ASTN2: variants seen among roughly 807,000 people sequenced by gnomAD.
ASTN2 encodes the protein astrotactin-2.
A neutral mutation model predicts 139.8 loss-of-function variants in ASTN2; 54 were observed. That is an observed-to-expected ratio of 0.39 (90% CI 0.31 to 0.48). The LOEUF is 0.48. ASTN2 is among the 20% of genes least tolerant of loss of function. The probability of loss-of-function intolerance (pLI) is 0.95; values close to 1 mark genes in which losing one functional copy is unlikely to be tolerated. For synonymous variants in ASTN2, 756 were observed against 719.5 expected, an observed-to-expected ratio of 1.05 and a Z score of -0.81; for missense variants, 1,565 against 1,725.1, an observed-to-expected ratio of 0.91 and a Z score of 1.64.
intron 10 of ASTN2, among the ~76,000 whole-genome samples, chr9:116,887,415 G>C (rs1179955597): frequency 6.6e-6 from 1 of 151,762 alleles, no homozygotes; most frequent in East Asian, 2.0e-4. Flanking sequence ...CTTTTGGACA[G>C]AGGGAGAAAG....
intron 19 of ASTN2, among the ~76,000 whole-genome samples, chr9:116,500,890 G>A (rs148700646): frequency 4.7e-4 from 71 of 152,288 alleles, no homozygotes; most frequent in African/African-American, 1.7e-3. Flanking sequence ...TTTGTGTGGT[G>A]TAAGCAGAAA....
At chr9:116,567,073 A>G (rs970018880) in intron 19 of ASTN2, among the ~76,000 whole-genome samples, 4 of 152,236 alleles carry the variant, frequency 2.6e-5, no homozygotes, top group African/African-American at 9.6e-5. Context: ...GAGAGAGGTC[A>G]TGTGACTTGT....
chr9:117,414,906 G>T lies in ASTN2; in HGVS notation c.33C>A (p.Gly11=), dbSNP rs1400870985. The change falls in exon 1 of 23, where the codon GGC becomes GGA. Residue 11 remains glycine, a synonymous_variant. Coordinates refer to ENST00000313400, the MANE Select transcript of ASTN2 (RefSeq NM_001365068.1). The surrounding 1 kb of genome is among the most constrained non-coding windows in gnomAD (Gnocchi z 4.2). MAAAGARLSP[G]PGSGLRGRPR... ...GCCGCCCCCGGAGCCCCGAGCCGGG[G>T]CCGGGGCTGAGCCGGGCGCCGGCGG... is the stretch of plus-strand genomic sequence containing the variant. 6.1e-6 allele frequency: 4 copies of T among 655,998 alleles called. No individual in the cohort carries two copies. The highest frequency in any genetic ancestry group is 5.9e-5 in the African/African-American group (3 of 50,780). 40.6% of individuals were successfully genotyped at this position (655,998 alleles called of 1,614,324 possible).
At chr9:116,621,460 C>A (rs1019452305) in intron 17 of ASTN2, among the ~76,000 whole-genome samples, 2 of 152,024 alleles carry the variant, frequency 1.3e-5, no homozygotes, top group African/African-American at 4.8e-5. Flanking sequence ...CACACACACA[C>A]ACACATTCCA....
At chr9:116,875,940 C>G (rs1833284857) in intron 10 of ASTN2, among the ~76,000 whole-genome samples, 1 of 152,198 alleles carries the variant, frequency 6.6e-6, no homozygotes, top group African/African-American at 2.4e-5. Flanking sequence ...TTCATGCATT[C>G]TAACACAGCA....
At chr9:116,966,478 C>G (rs1424467619) in intron 10 of ASTN2, among the ~76,000 whole-genome samples, 1 of 152,112 alleles carries the variant, frequency 6.6e-6, no homozygotes, top group Admixed American at 6.5e-5. Context: ...TGGTGCTGAA[C>G]AATGTTTGAA....
intron 3 of ASTN2, among the ~76,000 whole-genome samples, chr9:117,203,347 A>G (rs1018209707): frequency 6.6e-6 from 1 of 152,036 alleles, no homozygotes; most frequent in Non-Finnish European, 1.5e-5. Flanking sequence ...CAATTCATCC[A>G]TTTGATCCTC....
At chr9:117,132,682 G>A (rs1829853980) in intron 4 of ASTN2, among the ~76,000 whole-genome samples, 1 of 152,182 alleles carries the variant, frequency 6.6e-6, no homozygotes, top group Admixed American at 6.5e-5. Flanking sequence ...GCTTTCTTAT[G>A]TCTCAGTACA....
intron 3 of ASTN2, among the ~76,000 whole-genome samples, chr9:117,163,798 T>C (rs1333787530): frequency 6.6e-6 from 1 of 152,066 alleles, no homozygotes; most frequent in Non-Finnish European, 1.5e-5. Context: ...TAAGTACTTT[T>C]GCTATATATT....
rs569439098 is a variant in ASTN2 at position 116,905,869 on chromosome 9, G to T, written c.1890-42136C>A. 4.7e-5 allele frequency among the ~76,000 whole-genome samples: 7 copies of T among 149,234 alleles called. No individual in the cohort carries two copies. The East Asian group carries it at 7.9e-4, about 17-fold the overall frequency. On this transcript the variant is annotated intron_variant, in intron 10 of 22. Transcript: ENST00000313400. ...TGATCCCTGTTTTTTTTTTTTTTGG[G>T]GGGGGGTGCGGGGGGTGTGCCGTTT...
chr9:117,263,166 G>A (rs1833864414), intron 2 of ASTN2, among the ~76,000 whole-genome samples: 1 of 152,122 alleles, frequency 6.6e-6, no homozygotes, highest in African/African-American at 2.4e-5. Context: ...AGATACTTTG[G>A]CTAAAAATAA....
intron 20 of ASTN2, 65 bp from the exon 21 acceptor site, chr9:116,442,618 G>T: frequency 7.6e-7 from 1 of 1,311,270 alleles, no homozygotes; most frequent in Non-Finnish European, 1.1e-6. Flanking sequence ...GGAGTTGCAG[G>T]GAAGAACAGA....
intron 19 of ASTN2, among the ~76,000 whole-genome samples, chr9:116,489,424 C>T (rs1849442599): frequency 6.6e-6 from 1 of 152,054 alleles, no homozygotes; most frequent in Non-Finnish European, 1.5e-5. Flanking sequence ...GAAGCCTCTG[C>T]CCCGCAGGCT....
At chr9:116,795,547 C>T (rs1446921708) in intron 13 of ASTN2, among the ~76,000 whole-genome samples, 1 of 152,204 alleles carries the variant, frequency 6.6e-6, no homozygotes, top group Non-Finnish European at 1.5e-5. Context: ...GTCCACTTCC[C>T]ATGACCCTCA....
chr9:116,528,750 G>A (rs1851201243), intron 19 of ASTN2, among the ~76,000 whole-genome samples: 1 of 152,290 alleles, frequency 6.6e-6, no homozygotes, highest in Middle Eastern at 3.4e-3. Flanking sequence ...ATGGCACCCT[G>A]CATTCCAGAC....
rs768154651 is a variant in ASTN2, at chr9:117,388,997, A to T, written c.442+25500T>A. 6.6e-5 allele frequency among the ~76,000 whole-genome samples: 10 copies of T among 152,320 alleles called. No individual in the cohort carries two copies. The South Asian group carries it at 2.1e-3, about 32-fold the overall frequency. ...GGATCTCAAGCCAAACAGAAACAAG[A>T]TGAATGTTTAACTAATCCTTACTGT... is the stretch of plus-strand genomic sequence containing the variant. On this transcript the variant is annotated intron_variant, in intron 1 of 22. Transcript: ENST00000313400.
intron 11 of ASTN2, among the ~76,000 whole-genome samples, chr9:116,862,726 G>A (rs963685279): frequency 1.3e-5 from 2 of 151,828 alleles, no homozygotes; most frequent in Non-Finnish European, 2.9e-5. Flanking sequence ...ACAGAAAGAA[G>A]AGCATTGAAT....
chr9:116,663,715 A>T (rs1306588851), intron 16 of ASTN2, among the ~76,000 whole-genome samples: 3 of 152,082 alleles, frequency 2.0e-5, no homozygotes, highest in Non-Finnish European at 4.4e-5. Flanking sequence ...ATTAATATTA[A>T]CTGTAGCTGC....
chr9:117,225,313 C>T (rs1030226196), intron 2 of ASTN2, among the ~76,000 whole-genome samples: 4 of 151,614 alleles, frequency 2.6e-5, no homozygotes, highest in Admixed American at 2.0e-4. Context: ...CCTCAGGTGG[C>T]CTCTCAAGTT....
Sources: gnomAD v4.1 joint callset for allele counts (sites outside exome capture counted in the v4.1 genomes callset) on GRCh38, gnomAD v4.1.1 for gene constraint, Gnocchi (gnomAD v3.1) non-coding constraint, MANE v1.5 for transcripts, NCBI Gene and HGNC (gene_info 2026-07-23, HGNC 2026-07-21) for gene names.